Variants in ARK2C observed in about 807,000 individuals in gnomAD.
ARK2C encodes arkadia (RNF111) C-terminal like ring finger ubiquitin ligase 2C.
the ARK2C span, among the ~76,000 whole-genome samples, chr18:46,421,167 A>G: frequency 6.6e-6 from 1 of 152,314 alleles, no homozygotes; most frequent in South Asian, 2.1e-4. Context: ...CCCTATACTC[A>G]TTGCAAAGAA....
chr18:46,460,233 C>T, the ARK2C span: 1 of 152,538 alleles, frequency 6.6e-6, no homozygotes, highest in African/African-American at 2.4e-5. Flanking sequence ...CTAAAGAAAT[C>T]CCCTAAGCCC....
At chr18:46,351,746 T>G in the ARK2C span, among the ~76,000 whole-genome samples, 5 of 152,182 alleles carry the variant, frequency 3.3e-5, no homozygotes, top group South Asian at 4.1e-4. Flanking sequence ...AGGCCTAGGT[T>G]TAAGTCCAGC....
the ARK2C span, among the ~76,000 whole-genome samples, chr18:46,435,049 T>A: frequency 6.6e-6 from 1 of 152,158 alleles, no homozygotes; most frequent in Non-Finnish European, 1.5e-5. Context: ...GAGAGACCTC[T>A]GCACAGCGGG....
chr18:46,344,735 C>A, the ARK2C span, among the ~76,000 whole-genome samples: 2 of 152,226 alleles, frequency 1.3e-5, no homozygotes, highest in African/African-American at 4.8e-5. Flanking sequence ...AAGTCAGATT[C>A]TGGGAAGGTG....
the ARK2C span, among the ~76,000 whole-genome samples, chr18:46,379,821 C>T: frequency 6.6e-6 from 1 of 152,382 alleles, no homozygotes; most frequent in African/African-American, 2.4e-5. Flanking sequence ...CAAGAGATGC[C>T]TAGAGGCTGT....
At chr18:46,337,281 C>T in the ARK2C span, 284 of 985,296 alleles carry the variant, frequency 2.9e-4, no homozygotes, top group Non-Finnish European at 3.2e-4. Context: ...ACAGGGGTAG[C>T]GTGTTCTGCT....
At chr18:46,403,517 C>T in the ARK2C span, among the ~76,000 whole-genome samples, 1 of 152,218 alleles carries the variant, frequency 6.6e-6, no homozygotes, top group African/African-American at 2.4e-5. Context: ...TCTTCAATTT[C>T]TTGACTCTTT....
At chr18:46,407,510 GT>G in the ARK2C span, among the ~76,000 whole-genome samples, 1 of 152,092 alleles carries the variant, frequency 6.6e-6, no homozygotes, top group Admixed American at 6.5e-5. Context: ...GCCTGTTGAC[GT>G]TCTTCCTTGT....
At chr18:46,393,151 GA>G in the ARK2C span, among the ~76,000 whole-genome samples, 1 of 152,190 alleles carries the variant, frequency 6.6e-6, no homozygotes, top group Non-Finnish European at 1.5e-5. Flanking sequence ...CAGATTTACT[GA>G]CATCGTGGGT....
chr18:46,451,182 G>T, the ARK2C span, among the ~76,000 whole-genome samples: 1 of 152,138 alleles, frequency 6.6e-6, no homozygotes, highest in Non-Finnish European at 1.5e-5. Context: ...ATAATTCTAT[G>T]TCCAATCTCA....
At chr18:46,441,731 A>T in the ARK2C span, among the ~76,000 whole-genome samples, 1 of 151,542 alleles carries the variant, frequency 6.6e-6, no homozygotes, top group Non-Finnish European at 1.5e-5. Context: ...TACTAAAAAT[A>T]CAAAAAATTA....
chr18:46,422,405 A>G, the ARK2C span, among the ~76,000 whole-genome samples: 1 of 152,210 alleles, frequency 6.6e-6, no homozygotes, highest in African/African-American at 2.4e-5. Context: ...CTCAGAAGAT[A>G]CAGGAAACAA....
the ARK2C span, among the ~76,000 whole-genome samples, chr18:46,391,291 C>G: frequency 6.6e-6 from 1 of 152,132 alleles, no homozygotes. Flanking sequence ...TAGCGGGTGA[C>G]CTGGGGTAAG....
At chr18:46,339,933 T>C in the ARK2C span, among the ~76,000 whole-genome samples, 1 of 152,208 alleles carries the variant, frequency 6.6e-6, no homozygotes, top group Non-Finnish European at 1.5e-5. Context: ...GCACATTAGA[T>C]GATTTAATGG....
At chr18:46,427,340 T>C in the ARK2C span, among the ~76,000 whole-genome samples, 1 of 152,186 alleles carries the variant, frequency 6.6e-6, no homozygotes, top group African/African-American at 2.4e-5. Flanking sequence ...TGTAGGATGG[T>C]AGAAACCTCC....
chr18:46,454,859 T>C, the ARK2C span, among the ~76,000 whole-genome samples: 2 of 152,218 alleles, frequency 1.3e-5, no homozygotes, highest in Non-Finnish European at 2.9e-5. Context: ...CGCTCACGAC[T>C]AGATTTCTTC....
chr18:46,360,385 G>T, the ARK2C span, among the ~76,000 whole-genome samples: 1 of 152,200 alleles, frequency 6.6e-6, no homozygotes, highest in Non-Finnish European at 1.5e-5. Flanking sequence ...AAAATTGGAG[G>T]GTAGGCCCTG....
the ARK2C span, chr18:46,435,185 G>A: frequency 1.1e-6 from 1 of 886,808 alleles, no homozygotes; most frequent in Non-Finnish European, 1.8e-6. Context: ...AAGTGGGGCT[G>A]CAAGAGTGGG....
At chr18:46,353,790 C>T in the ARK2C span, among the ~76,000 whole-genome samples, 1 of 152,166 alleles carries the variant, frequency 6.6e-6, no homozygotes, top group Admixed American at 6.5e-5. Context: ...GAAGAGATAA[C>T]CAGATACAGA....
Sources: allele counts gnomAD v4.1 joint callset (sites outside exome capture counted in the v4.1 genomes callset), GRCh38; gene constraint gnomAD v4.1.1; transcripts MANE v1.5; gene names NCBI Gene and HGNC (gene_info 2026-07-23, HGNC 2026-07-21).